Variants in ZNF232 observed in about 807,000 individuals in gnomAD.
ZNF232 encodes the protein zinc finger and SCAN domain-containing protein 11.
A neutral mutation model predicts 25.2 loss-of-function variants in ZNF232; 25 were observed. That is an observed-to-expected ratio of 0.99 (90% confidence interval 0.72 to 1.39). ZNF232 has a LOEUF of 1.39. Ranked by LOEUF, ZNF232 falls within the 40% of genes most tolerant of loss-of-function variation. The pLI is 0.00. For missense variants in ZNF232, 519 were observed against 520.9 expected (o/e 1.00, Z 0.04); for synonymous variants, 193 against 182.9 (o/e 1.06, Z -0.45).
chr17:5,109,211 G>T, intron 2 of ZNF232, 159 bp from the exon 3 acceptor site: 1 of 1,248,674 alleles, frequency 8.0e-7, no homozygotes, highest in Non-Finnish European at 1.1e-6. Context: ...GGAAGAAGAG[G>T]AGCTAGAGTC....
At chr17:5,111,716 T>C (rs1466040472) in intron 1 of ZNF232, 84 bp downstream of exon 1, 45 of 1,607,204 alleles carry the variant, frequency 2.8e-5, no homozygotes, top group Non-Finnish European at 3.6e-5. Context: ...CCAGGCCTGC[T>C]CACTGCAGAG....
At chr17:5,112,045 C>G, upstream of ZNF232, 2 of 659,388 alleles carry the variant, frequency 3.0e-6, no homozygotes, top group Non-Finnish European at 5.0e-6. Context: ...GCCTGCACGA[C>G]TGGACTGGAG....
chr17:5,120,294 C>T (rs2072624182), intron 1 of ZNF232, among the ~76,000 whole-genome samples: 1 of 152,026 alleles, frequency 6.6e-6, no homozygotes, highest in African/African-American at 2.4e-5. Context: ...GTGGTGGGGG[C>T]AAGGTCAGGG....
At chr17:5,118,810 A>G (rs752343180) in intron 1 of ZNF232, among the ~76,000 whole-genome samples, 2 of 152,098 alleles carry the variant, frequency 1.3e-5, no homozygotes, top group Non-Finnish European at 2.9e-5. Flanking sequence ...AAGTCTGGCC[A>G]TTTCTTCCCG....
intron 3 of ZNF232, among the ~76,000 whole-genome samples, chr17:5,107,072 C>T (rs2072276623): frequency 6.6e-6 from 1 of 151,710 alleles, no homozygotes; most frequent in South Asian, 2.1e-4. Context: ...GTGCTCTCTG[C>T]CTTTCTCTTC....
intron 1 of ZNF232, chr17:5,118,187 C>T (rs3931085): frequency 0.48 from 73,477 of 152,302 alleles, 20,396 homozygotes; most frequent in Non-Finnish European, 0.64. Flanking sequence ...AGTCTTATTT[C>T]CTATTGATAC....
intron 1 of ZNF232, among the ~76,000 whole-genome samples, chr17:5,110,736 A>G (rs1194113361): frequency 6.6e-6 from 1 of 152,184 alleles, no homozygotes; most frequent in African/African-American, 2.4e-5. Context: ...ACAGGTGTAA[A>G]CCAAAAAAGC....
At chr17:5,122,726 C>G (rs118140204) in intron 1 of ZNF232, among the ~76,000 whole-genome samples, 3 of 152,224 alleles carry the variant, frequency 2.0e-5, no homozygotes, top group African/African-American at 2.4e-5. Flanking sequence ...AGCCCAGCCC[C>G]GGAAATGGGA....
Position 5,106,290 on chromosome 17 carries a change from A to G in ZNF232, c.842T>C (p.Val281Ala), listed in dbSNP as rs1467058886. 1.2e-5 allele frequency: 20 copies of G among 1,614,100 alleles called. No homozygotes were observed. The Admixed American group carries it at 3.2e-4, about 26-fold the overall frequency. The stretch of plus-strand genomic sequence containing the variant: ...TGTGGGAATTTCCTTATGGATGACA[A>G]CCATCTGCCTGAAACTTTCCTCCTG... Residue 281 changes from valine (V) to alanine (A), a missense_variant, in exon 4 of 4, where the codon GTT becomes GCT. Val to Ala is a moderately conservative substitution (Grantham distance 64, BLOSUM62 0). Transcript: ENST00000575898.
At chr17:5,116,211 C>A (rs62076287), upstream of ZNF232, among the ~76,000 whole-genome samples, 1 of 146,556 alleles carries the variant, frequency 6.8e-6, no homozygotes, top group African/African-American at 2.4e-5. Flanking sequence ...GGGCAGCGCT[C>A]GAGACGCTCA....
intron 1 of ZNF232, among the ~76,000 whole-genome samples, chr17:5,122,366 G>A (rs1056777429): frequency 6.6e-6 from 1 of 152,166 alleles, no homozygotes; most frequent in African/African-American, 2.4e-5. Flanking sequence ...AGCAAGGTGG[G>A]TGGTGGTCGG....
chr17:5,120,774 T>C, intron 1 of ZNF232: 1 of 446,796 alleles, frequency 2.2e-6, no homozygotes, highest in Non-Finnish European at 4.5e-6. Flanking sequence ...TGCCAAGGGC[T>C]GTTTCTTCAG....
intron 1 of ZNF232, among the ~76,000 whole-genome samples, chr17:5,110,513 G>A (rs767009854): frequency 2.0e-5 from 3 of 152,208 alleles, no homozygotes; most frequent in Non-Finnish European, 4.4e-5. Context: ...GCCCAGAGCC[G>A]AGCAGCTTTC....
exon 4 of ZNF232, chr17:5,106,047 C>A: frequency 6.2e-7 from 1 of 1,614,138 alleles, no homozygotes; most frequent in Non-Finnish European, 8.5e-7. Context: ...AAGATGAGCA[C>A]CCCATCTGAA....
chr17:5,120,701 G>C (rs1175653911), intron 1 of ZNF232: 2 of 421,972 alleles, frequency 4.7e-6, no homozygotes, highest in East Asian at 1.4e-4. Flanking sequence ...GAGTGAACCT[G>C]AGCTGGATCC....
In ZNF232 at chr17:5,111,812, G is replaced by A. The variant is rs760886230; in HGVS notation, c.11C>T (p.Pro4Leu). 2.5e-6 allele frequency: 4 copies of A among 1,613,750 alleles called. No homozygotes were observed. The South Asian group carries it at 3.3e-5, about 13-fold the overall frequency. The stretch of plus-strand genomic sequence containing the variant: ...CGCCAACACTCACCTCACAGGACCA[G>A]GAGGTTCCATCGGGGCGCTGCCGCG... The change falls in exon 1 of 4, where the codon CCT becomes CTT. Residue 4 changes from proline (P) to leucine (L), a missense_variant. By Grantham distance (98) the Pro-to-Leu change is moderately conservative (BLOSUM62 -3). Transcript: ENST00000575898.
chr17:5,108,658 T>C lies in ZNF232; in HGVS notation c.625+268A>G, dbSNP rs78028000. On this transcript the variant is annotated intron_variant, in intron 3 of 3. Coordinates refer to ENST00000575898, the Ensembl canonical transcript of ZNF232. ...GTCCTGATTTAGGGCTCTCTAAAGTTAAGAGATGCTGGCCAGGCTTTATAT... is the reference window on the plus strand; with the variant it reads ...GTCCTGATTTAGGGCTCTCTAAAGTCAAGAGATGCTGGCCAGGCTTTATAT... 1.6e-3 allele frequency: 583 copies of C among 361,360 alleles called. 5 individuals carry two copies. In the East Asian group the frequency reaches 0.017, roughly 11 times the overall value. 22.4% of individuals were successfully genotyped at this position (361,360 alleles called of 1,614,324 possible).
chr17:5,122,731 A>G (rs960930466), intron 1 of ZNF232, among the ~76,000 whole-genome samples: 9 of 152,194 alleles, frequency 5.9e-5, no homozygotes, highest in Admixed American at 1.3e-4. Context: ...AGCCCCGGAA[A>G]TGGGACACCC....
chr17:5,109,971 C>T, intron 1 of ZNF232, 103 bp from the exon 2 acceptor site: 3 of 1,145,442 alleles, frequency 2.6e-6, no homozygotes, highest in South Asian at 3.3e-5. Flanking sequence ...CTCACTGCAA[C>T]CTCCACCCCC....
Sources: gnomAD v4.1 joint callset for allele counts (sites outside exome capture counted in the v4.1 genomes callset) on GRCh38, gnomAD v4.1.1 for gene constraint, MANE v1.5 for transcripts, NCBI Gene and HGNC (gene_info 2026-07-23, HGNC 2026-07-21) for gene names.